Variants in NRXN3 observed in about 807,000 individuals in gnomAD.
NRXN3 encodes the protein neurexin 3, also known as neurexin III.
A neutral mutation model predicts 137.6 loss-of-function variants in NRXN3; 32 were observed. The observed-to-expected ratio is 0.23, with a 90% CI of 0.18 to 0.31. The LOEUF (loss-of-function observed/expected upper bound fraction) is 0.31, where lower values mean the gene tolerates loss of function less well. Among genes scored for constraint, NRXN3 ranks in the 10% least tolerant of loss-of-function variants. The pLI, the probability that NRXN3 is intolerant of heterozygous loss-of-function variation, is 1.00. For missense variants in NRXN3, 1,574 were observed against 2,062.5 expected (o/e 0.76, Z 4.59); for synonymous variants, 798 against 784.5 (o/e 1.02, Z -0.29).
chr14:79,207,240 C>A (rs573224454), intron 15 of NRXN3, among the ~76,000 whole-genome samples: 1 of 152,112 alleles, frequency 6.6e-6, no homozygotes, highest in Non-Finnish European at 1.5e-5. Flanking sequence ...TTTTAATAAA[C>A]GCAAATTCCT....
intron 16 of NRXN3, among the ~76,000 whole-genome samples, chr14:79,601,040 CTTTTTTTT>C (rs36044631): frequency 2.1e-5 from 2 of 93,424 alleles, no homozygotes; most frequent in Non-Finnish European, 4.0e-5. Context: ...TCTTTGTTGC[CTTTTTTTT>C]TTTTTTTTTT....
In NRXN3 at chr14:78,612,306, T is replaced by A. The variant is rs79666855; in HGVS notation, c.758-32814T>A. On this transcript the variant is annotated intron_variant, in intron 4 of 20. Coordinates refer to ENST00000335750, the MANE Select transcript of NRXN3 (RefSeq NM_001330195.2). ...CTTTGGGTCTTGAAAGGATTACAAA[T>A]GGAGTGAGAATGGCTATTGCAAACA... Among the ~76,000 whole-genome samples, 1,313 of 152,300 alleles carry A rather than the reference T, an allele frequency of 8.6e-3. 20 individuals are homozygous for A. Among genetic ancestry groups the A allele is most frequent in the African/African-American group, 0.029 (1,188 of 41,558 alleles).
At chr14:79,616,000 C>A (rs1011319895) in intron 16 of NRXN3, among the ~76,000 whole-genome samples, 2 of 152,166 alleles carry the variant, frequency 1.3e-5, no homozygotes, top group South Asian at 2.1e-4. Context: ...AATTCATACC[C>A]AGCAGTATGA....
At chr14:78,723,315 C>T (rs1029910842) in intron 8 of NRXN3, among the ~76,000 whole-genome samples, 8 of 152,016 alleles carry the variant, frequency 5.3e-5, no homozygotes, top group South Asian at 2.1e-4. Flanking sequence ...GAGTGGAGGT[C>T]GAGTTTTCGA....
intron 19 of NRXN3, among the ~76,000 whole-genome samples, chr14:79,714,878 C>T (rs771847791): frequency 6.6e-6 from 1 of 152,196 alleles, no homozygotes; most frequent in African/African-American, 2.4e-5. Flanking sequence ...CTTTGCAATG[C>T]ACTATGAAAG....
intron 17 of NRXN3, among the ~76,000 whole-genome samples, chr14:79,686,701 T>C (rs61995225): frequency 0.062 from 9,424 of 152,278 alleles, 334 homozygotes; most frequent in South Asian, 0.097. Context: ...AAAGTTTGTC[T>C]GACTCCATAT....
chr14:79,125,447 G>C (rs535727599), intron 15 of NRXN3, among the ~76,000 whole-genome samples: 2 of 152,226 alleles, frequency 1.3e-5, no homozygotes, highest in Non-Finnish European at 2.9e-5. Flanking sequence ...TGGATGGACT[G>C]ATGGGAAATA....
chr14:78,899,191 G>T (rs1428556711), intron 10 of NRXN3, among the ~76,000 whole-genome samples: 4 of 151,868 alleles, frequency 2.6e-5, no homozygotes, highest in Non-Finnish European at 4.4e-5. Flanking sequence ...GGGAAAACAG[G>T]AAGAGAGAAA....
At chr14:78,622,614 A>C (rs1236649711) in intron 4 of NRXN3, among the ~76,000 whole-genome samples, 2 of 152,250 alleles carry the variant, frequency 1.3e-5, no homozygotes, top group Non-Finnish European at 2.9e-5. Context: ...TATAGCTTAC[A>C]ATGAATACTG....
At chr14:79,039,514 A>C (rs568614945) in intron 15 of NRXN3, among the ~76,000 whole-genome samples, 1 of 152,190 alleles carries the variant, frequency 6.6e-6, no homozygotes, top group South Asian at 2.1e-4. Flanking sequence ...CCAATTATGC[A>C]TGCCTCTGAA....
At chr14:78,341,585 T>TG (rs1031359370) in intron 4 of NRXN3, among the ~76,000 whole-genome samples, 1 of 152,202 alleles carries the variant, frequency 6.6e-6, no homozygotes, top group African/African-American at 2.4e-5. Context: ...GGCCTGTGGC[T>TG]GGCTGTCATT....
chr14:79,330,879 A>T lies in NRXN3; in HGVS notation c.3263-136342A>T, dbSNP rs770335613. Among the ~76,000 whole-genome samples, 11 of 152,330 alleles carry T rather than the reference A, an allele frequency of 7.2e-5. 1 individual carries two copies. Among genetic ancestry groups the T allele is most frequent in the African/African-American group, 2.2e-4 (9 of 41,582 alleles). The stretch of plus-strand genomic sequence containing the variant: ...TTAGAATGAAATAAATGTGTGAAAT[A>T]AATCATGTTTATAGTGTAGATCCCC... On this transcript the variant is annotated intron_variant, in intron 15 of 20. Transcript: ENST00000335750.
chr14:79,201,845 G>A (rs144104032), intron 15 of NRXN3, among the ~76,000 whole-genome samples: 128 of 152,256 alleles, frequency 8.4e-4, no homozygotes, highest in African/African-American at 2.7e-3. Context: ...CACTTTCTAC[G>A]TCACTACATA....
chr14:78,208,957 T>C, intron 1 of NRXN3, among the ~76,000 whole-genome samples: 1 of 151,922 alleles, frequency 6.6e-6, no homozygotes, highest in East Asian at 1.9e-4. Context: ...TAGTAGATGA[T>C]CACTAATATT....
intron 10 of NRXN3, among the ~76,000 whole-genome samples, chr14:78,948,684 G>A (rs1053876527): frequency 8.3e-6 from 1 of 121,144 alleles, no homozygotes; most frequent in Non-Finnish European, 1.6e-5. Flanking sequence ...TGCTAGGCCT[G>A]TACCCTGGTC....
intron 15 of NRXN3, among the ~76,000 whole-genome samples, chr14:79,442,853 C>T (rs1426721198): frequency 6.6e-6 from 1 of 152,194 alleles, no homozygotes; most frequent in Non-Finnish European, 1.5e-5. Context: ...CCTAGACGTT[C>T]AACTGTTCCG....
chr14:79,772,556 G>C (rs1197051536), intron 19 of NRXN3, among the ~76,000 whole-genome samples: 1 of 152,116 alleles, frequency 6.6e-6, no homozygotes, highest in African/African-American at 2.4e-5. Flanking sequence ...AATGGTGCTG[G>C]GAAAACTGGC....
At chr14:79,832,416 T>C (rs2099326698) in intron 20 of NRXN3, among the ~76,000 whole-genome samples, 1 of 152,198 alleles carries the variant, frequency 6.6e-6, no homozygotes. Context: ...AATAACTCAG[T>C]GTCTTTATGA....
intron 15 of NRXN3, among the ~76,000 whole-genome samples, chr14:79,163,074 T>C (rs1387495861): frequency 6.6e-6 from 1 of 152,004 alleles, no homozygotes. Flanking sequence ...TATGGGTCTT[T>C]ATGGGCTTCA....
Sources: gnomAD v4.1 joint callset for allele counts (sites outside exome capture counted in the v4.1 genomes callset) on GRCh38, gnomAD v4.1.1 for gene constraint, MANE v1.5 for transcripts, NCBI Gene and HGNC (gene_info 2026-07-23, HGNC 2026-07-21) for gene names.